ARHGEF28: variants seen among roughly 807,000 people sequenced by gnomAD.
ARHGEF28 encodes 190 kDa guanine nucleotide exchange factor.
In ARHGEF28, 152 loss-of-function variants were observed where a neutral mutation model predicts 206.6. The ratio of observed to expected loss-of-function variants is 0.74; its 90% confidence interval spans 0.64 to 0.84. The LOEUF is 0.84. Ranked by LOEUF, ARHGEF28 falls within the 40% of genes least tolerant of loss-of-function variation. ARHGEF28 has a pLI of 0.00. For missense variants in ARHGEF28, 2,028 were observed against 2,073.2 expected, an observed-to-expected ratio of 0.98 and a Z score of 0.42; for synonymous variants, 763 against 776.4, an observed-to-expected ratio of 0.98 and a Z score of 0.29.
chr5:73,774,256 A>G (rs577514406), intron 5 of ARHGEF28, among the ~76,000 whole-genome samples: 3 of 152,358 alleles, frequency 2.0e-5, no homozygotes, highest in African/African-American at 7.2e-5. Context: ...AGGCTCTGAA[A>G]GGAGTGATAA....
Position 73,868,180 on chromosome 5 carries a change from T to C in ARHGEF28, c.2378T>C (p.Leu793Pro), listed in dbSNP as rs543075955. Residue 793 changes from leucine to proline, a missense_variant, in exon 20 of 36, where the codon CTA (leucine) becomes CCA (proline). Leu to Pro is a moderately conservative substitution (Grantham distance 98, BLOSUM62 -3). Coordinates refer to ENST00000513042, the MANE Select transcript of ARHGEF28 (RefSeq NM_001177693.2). ...AGCAGGTCTCATTCTGATGAGCTGC[T>C]ACAGTCCATGGGCTCTTCTCCCTCT... is the stretch of plus-strand genomic sequence containing the variant. ...CRSRSHSDEL[L>P]QSMGSSPSTE... The C allele has an allele frequency of 1.2e-5, 19 of 1,601,182 alleles. No homozygotes were observed. The highest frequency in any genetic ancestry group is 8.0e-5 in the African/African-American group (6 of 74,944).
chr5:73,807,199 G>T (rs1366651159), intron 9 of ARHGEF28, among the ~76,000 whole-genome samples: 2 of 151,790 alleles, frequency 1.3e-5, no homozygotes, highest in South Asian at 2.1e-4. Flanking sequence ...CCAGACTTGG[G>T]GCTCTTATTC....
At chr5:73,893,378 C>A in intron 28 of ARHGEF28, 90 bp downstream of exon 28, 1 of 1,039,562 alleles carries the variant, frequency 9.6e-7, no homozygotes, top group Non-Finnish European at 1.3e-6. Context: ...GTTATAACTA[C>A]ATGATTCATC....
At chr5:73,714,461 G>T (rs1314826781) in intron 2 of ARHGEF28, among the ~76,000 whole-genome samples, 1 of 152,184 alleles carries the variant, frequency 6.6e-6, no homozygotes, top group Non-Finnish European at 1.5e-5. Context: ...AATGTGTCCA[G>T]TGATAATTCT....
At chr5:73,759,508 A>T (rs1752488691) in intron 4 of ARHGEF28, among the ~76,000 whole-genome samples, 2 of 152,322 alleles carry the variant, frequency 1.3e-5, no homozygotes, top group South Asian at 4.1e-4. Flanking sequence ...TGCTTTACAC[A>T]TAATGGAAAG....
intron 10 of ARHGEF28, among the ~76,000 whole-genome samples, chr5:73,836,958 T>C (rs1422493818): frequency 1.3e-5 from 2 of 152,158 alleles, no homozygotes; most frequent in African/African-American, 4.8e-5. Context: ...TTGTTGAAGA[T>C]TAATTGACTG....
chr5:73,746,961 G>A (rs1052498082), intron 2 of ARHGEF28, among the ~76,000 whole-genome samples: 2 of 152,142 alleles, frequency 1.3e-5, no homozygotes, highest in Non-Finnish European at 2.9e-5. Flanking sequence ...TTTAGAATAA[G>A]CTTGTTGAGT....
At chr5:73,690,684 C>A (rs1428977580) in intron 2 of ARHGEF28, among the ~76,000 whole-genome samples, 2 of 152,120 alleles carry the variant, frequency 1.3e-5, no homozygotes, top group South Asian at 2.1e-4. Flanking sequence ...GGTGAGAGAG[C>A]AATACCCTAT....
intron 35 of ARHGEF28, among the ~76,000 whole-genome samples, chr5:73,926,547 T>C (rs1414599704): frequency 6.6e-6 from 1 of 152,128 alleles, no homozygotes. Context: ...ACTTGACAAC[T>C]CTCCCTACTT....
intron 2 of ARHGEF28, 35 bp downstream of exon 2, chr5:73,684,919 G>C: frequency 6.2e-7 from 1 of 1,607,574 alleles, no homozygotes; most frequent in Non-Finnish European, 8.5e-7. Context: ...AGGTCCAAGG[G>C]GCCCTTTCTT....
chr5:73,830,837 A>T (rs1452731994), intron 9 of ARHGEF28, among the ~76,000 whole-genome samples: 1 of 151,948 alleles, frequency 6.6e-6, no homozygotes, highest in Non-Finnish European at 1.5e-5. Context: ...ATTCACCCCC[A>T]TGGGCTTATC....
chr5:73,686,164 A>C (rs1747454933), intron 2 of ARHGEF28, among the ~76,000 whole-genome samples: 1 of 152,104 alleles, frequency 6.6e-6, no homozygotes, highest in African/African-American at 2.4e-5. Flanking sequence ...CAGGCCATAA[A>C]ATGTGCCTGT....
At chr5:73,882,213 T>G (rs928798309) in intron 22 of ARHGEF28, among the ~76,000 whole-genome samples, 7 of 152,176 alleles carry the variant, frequency 4.6e-5, no homozygotes, top group African/African-American at 1.7e-4. Flanking sequence ...ATAAAATAGA[T>G]CAAATGTTTT....
At chr5:73,669,206 C>A (rs1746155665) in intron 1 of ARHGEF28, among the ~76,000 whole-genome samples, 1 of 152,124 alleles carries the variant, frequency 6.6e-6, no homozygotes, top group Admixed American at 6.5e-5. Context: ...CAACATGTCA[C>A]AAGCTGTGAA....
In ARHGEF28 at chr5:73,866,000, G is replaced by A. The variant is rs772680749; in HGVS notation, c.2139G>A (p.Gln713=). The A allele has an allele frequency of 1.9e-6, 3 of 1,604,028 alleles. No individual in the cohort carries two copies. Among genetic ancestry groups the A allele is most frequent in the South Asian group, 2.2e-5 (2 of 89,810 alleles). ...FQEKYNKNKP[Q]TILGNSSFRD... ...AGAAATATAACAAGAACAAACCACA[G>A]ACCATCCTTGGAAGTAAGTGATGTA... Residue 713 remains glutamine (Q), a synonymous_variant, in exon 18 of 36, where the codon CAG becomes CAA. Transcript: ENST00000513042.
intron 35 of ARHGEF28, among the ~76,000 whole-genome samples, chr5:73,935,411 G>A (rs1250344635): frequency 6.6e-6 from 1 of 152,126 alleles, no homozygotes; most frequent in East Asian, 1.9e-4. Flanking sequence ...CATGCCAGGG[G>A]CTCACATCCT....
intron 1 of ARHGEF28, among the ~76,000 whole-genome samples, chr5:73,659,361 T>C (rs150177528): frequency 0.01 from 1,588 of 152,198 alleles, 17 homozygotes; most frequent in African/African-American, 0.035. Flanking sequence ...AAACCCCGTC[T>C]CTACTAAAAA....
intron 1 of ARHGEF28, among the ~76,000 whole-genome samples, chr5:73,675,458 T>A (rs1011003452): frequency 1.3e-5 from 2 of 151,748 alleles, no homozygotes; most frequent in African/African-American, 4.8e-5. Flanking sequence ...AGCAGCCGGG[T>A]GTGGTGGCTC....
intron 2 of ARHGEF28, among the ~76,000 whole-genome samples, chr5:73,700,888 G>A (rs770539105): frequency 1.4e-4 from 22 of 152,158 alleles, no homozygotes; most frequent in African/African-American, 5.1e-4. Flanking sequence ...AACACTTCCC[G>A]TGAGTTGAGA....
Sources: gnomAD v4.1 joint callset for allele counts (sites outside exome capture counted in the v4.1 genomes callset) on GRCh38, gnomAD v4.1.1 for gene constraint, MANE v1.5 for transcripts, NCBI Gene and HGNC (gene_info 2026-07-23, HGNC 2026-07-21) for gene names.